The following NT5M variants were observed in gnomAD, a reference collection of about 807,000 sequenced individuals.
The protein encoded by NT5M is 5'(3')-deoxyribonucleotidase, mitochondrial.
In NT5M, 22 loss-of-function variants were observed where a neutral mutation model predicts 22.2. The observed-to-expected ratio is 0.99, with a 90% confidence interval of 0.71 to 1.41. The LOEUF (loss-of-function observed/expected upper bound fraction) is 1.41. Among genes scored for constraint, NT5M ranks in the 40% most tolerant of loss-of-function variants. The probability of loss-of-function intolerance (pLI) is 0.00; values close to 1 mark genes in which losing one functional copy is unlikely to be tolerated. For missense variants in NT5M, 322 were observed against 314.8 expected (o/e 1.02, Z -0.17); for synonymous variants, 167 against 133.0 (o/e 1.26, Z -1.76).
intron 1 of NT5M, 43 bp from the exon 2 acceptor site, chr17:17,306,500 T>A: frequency 1.4e-6 from 2 of 1,395,230 alleles, no homozygotes; most frequent in Non-Finnish European, 2.0e-6. Flanking sequence ...GGCAGTAAGG[T>A]GCTGAGGACC....
chr17:17,315,779 C>T (rs1350350531), intron 2 of NT5M, among the ~76,000 whole-genome samples: 1 of 103,896 alleles, frequency 9.6e-6, no homozygotes, highest in African/African-American at 3.6e-5. Flanking sequence ...TTTTTTGAGA[C>T]AGCCTCGCTC....
Position 17,347,175 on chromosome 17 carries a change from C to G in NT5M, c.*228C>G. On this transcript the variant is annotated 3_prime_UTR_variant, in exon 5 of 5. Coordinates refer to ENST00000389022, the MANE Select transcript of NT5M (RefSeq NM_020201.4). The stretch of plus-strand genomic sequence containing the variant: ...CATAGACACGTGGTCCCAGGCCGTT[C>G]AGCCTGACCTCAGGCAGCAGGCACC... The G allele has an allele frequency of 3.5e-6, 2 of 571,262 alleles. No homozygotes were observed. Among genetic ancestry groups the G allele is most frequent in the South Asian group, 2.3e-5 (1 of 43,814 alleles). The allele number at this position is 571,262 out of a possible 1,614,324, so 35.4% of individuals were successfully genotyped here.
At chr17:17,324,126 C>T (rs527985011) in intron 3 of NT5M, among the ~76,000 whole-genome samples, 2 of 151,224 alleles carry the variant, frequency 1.3e-5, no homozygotes, top group African/African-American at 2.4e-5. Context: ...GTGCCTGCCT[C>T]GGCCTCCCAA....
At chr17:17,304,503 A>T in intron 1 of NT5M, 1 of 921,396 alleles carries the variant, frequency 1.1e-6, no homozygotes, top group Non-Finnish European at 1.3e-6. Context: ...GTATTTTGCA[A>T]AAGGAACAGG....
chr17:17,316,947 C>T (rs557690779), intron 2 of NT5M, among the ~76,000 whole-genome samples: 1 of 144,496 alleles, frequency 6.9e-6, no homozygotes, highest in Non-Finnish European at 1.5e-5. Flanking sequence ...ATCTCCTGAC[C>T]TCATGATCCA....
At chr17:17,317,328 C>T (rs2049053646) in intron 2 of NT5M, among the ~76,000 whole-genome samples, 1 of 152,298 alleles carries the variant, frequency 6.6e-6, no homozygotes, top group African/African-American at 2.4e-5. Context: ...GGATTACAGG[C>T]GTGAGCCACT....
At chr17:17,321,104 G>A (rs191291946) in intron 2 of NT5M, among the ~76,000 whole-genome samples, 20 of 152,184 alleles carry the variant, frequency 1.3e-4, no homozygotes, top group East Asian at 5.8e-4. Flanking sequence ...TATCTAAGGC[G>A]GGAGGTGCCA....
At chr17:17,326,856 A>G (rs1043682185) in intron 3 of NT5M, among the ~76,000 whole-genome samples, 4 of 152,216 alleles carry the variant, frequency 2.6e-5, no homozygotes, top group Admixed American at 6.5e-5. Context: ...CACATCTACA[A>G]TCCCACCACC....
chr17:17,336,554 C>CT (rs71355546), intron 3 of NT5M, among the ~76,000 whole-genome samples: 564 of 136,822 alleles, frequency 4.1e-3, no homozygotes, highest in African/African-American at 6.7e-3. Context: ...TTTTTCTTTT[C>CT]TTTTTTTTTT....
At chr17:17,317,834 GCACCTGTAATCC>G (rs1174386515) in intron 2 of NT5M, among the ~76,000 whole-genome samples, 5 of 151,942 alleles carry the variant, frequency 3.3e-5, no homozygotes, top group Non-Finnish European at 7.4e-5. Context: ...ATGGTGGCAG[GCACCTGTAATCC>G]CAGCTCTTGG....
intron 3 of NT5M, among the ~76,000 whole-genome samples, chr17:17,343,477 T>G (rs754509887): frequency 2.6e-5 from 4 of 152,244 alleles, no homozygotes; most frequent in Non-Finnish European, 5.9e-5. Context: ...ACGTCCCGTG[T>G]GCTGGCCGGT....
At chr17:17,326,679 G>GCCAC (rs2049273671) in intron 3 of NT5M, among the ~76,000 whole-genome samples, 1 of 152,158 alleles carries the variant, frequency 6.6e-6, no homozygotes, top group African/African-American at 2.4e-5. Flanking sequence ...CTGAGCTTGG[G>GCCAC]TCCCACACCC....
intron 2 of NT5M, among the ~76,000 whole-genome samples, chr17:17,318,708 C>T (rs892880509): frequency 6.5e-5 from 9 of 138,942 alleles, no homozygotes; most frequent in Admixed American, 5.7e-4. Context: ...TCCCTTGAAC[C>T]TGGGGAGCGG....
chr17:17,346,170 C>T (rs1451178777), intron 4 of NT5M, among the ~76,000 whole-genome samples: 3 of 151,812 alleles, frequency 2.0e-5, no homozygotes, highest in East Asian at 1.9e-4. Flanking sequence ...CGTGGGTTCC[C>T]GCCAGAGTCA....
intron 2 of NT5M, among the ~76,000 whole-genome samples, chr17:17,312,644 C>A (rs1405923398): frequency 8.0e-4 from 86 of 107,306 alleles, no homozygotes; most frequent in Admixed American, 9.4e-4. Flanking sequence ...AACTCCATCT[C>A]AAAAAAAAAA....
chr17:17,345,211 C>T lies in NT5M; in HGVS notation c.544+303C>T, dbSNP rs1319011412. 10 of 1,168,442 alleles carry T rather than the reference C, an allele frequency of 8.6e-6. No homozygotes were observed. In the Admixed American group the frequency reaches 1.6e-4, roughly 19 times the overall value. The allele number at this position is 1,168,442 out of a possible 1,614,324, so 72.4% of individuals were successfully genotyped here. On this transcript the variant is annotated intron_variant, in intron 4 of 4. Transcript: ENST00000389022. ...AACATGGGGACTCAACTCTGGTTTC[C>T]AAATGTTTGTTTTTAGCAACAAAAC... is the stretch of plus-strand genomic sequence containing the variant.
At chr17:17,316,798 C>T (rs1167518435) in intron 2 of NT5M, among the ~76,000 whole-genome samples, 4 of 151,674 alleles carry the variant, frequency 2.6e-5, no homozygotes, top group Non-Finnish European at 5.9e-5. Context: ...TCACTGCAAC[C>T]TCTGCCTCCC....
intron 2 of NT5M, among the ~76,000 whole-genome samples, chr17:17,306,879 T>A (rs1203158096): frequency 6.6e-6 from 1 of 152,190 alleles, no homozygotes; most frequent in Non-Finnish European, 1.5e-5. Context: ...TTTAATTTGA[T>A]CTGGTTCCCT....
At chr17:17,310,541 A>T (rs2048901355) in intron 2 of NT5M, among the ~76,000 whole-genome samples, 1 of 152,188 alleles carries the variant, frequency 6.6e-6, no homozygotes, top group South Asian at 2.1e-4. Flanking sequence ...ATAAGCACAT[A>T]AAAAGATGCT....
Sources: gnomAD v4.1 joint callset for allele counts (sites outside exome capture counted in the v4.1 genomes callset) on GRCh38, gnomAD v4.1.1 for gene constraint, MANE v1.5 for transcripts, NCBI Gene and HGNC (gene_info 2026-07-23, HGNC 2026-07-21) for gene names.